Variants in CYTH1 observed in about 807,000 individuals in gnomAD.
CYTH1 encodes cytohesin 1, also known as cytohesin-1.
A neutral mutation model predicts 61.8 loss-of-function variants in CYTH1; 18 were observed. The observed-to-expected ratio is 0.29, with a 90% confidence interval of 0.20 to 0.43. The LOEUF (loss-of-function observed/expected upper bound fraction) is 0.43. CYTH1 is among the 20% of genes least tolerant of loss of function. The pLI is 1.00. For missense variants in CYTH1, 336 were observed against 510.5 expected (o/e 0.66, Z 3.29); for synonymous variants, 174 against 184.3 (o/e 0.94, Z 0.45).
chr17:78,698,173 GCACACGCGCACACACGCACGCACGCA>G (rs2092964299), intron 9 of CYTH1, 70 bp downstream of exon 9: 5 of 1,007,546 alleles, frequency 5.0e-6, no homozygotes, highest in Non-Finnish European at 6.2e-6. Flanking sequence ...GCACAAACAC[GCACACGCGCACACACGCACGCACGCA>G]CACACGCACA....
chr17:78,709,816 G>T, intron 1 of CYTH1, 84 bp from the exon 2 acceptor site: 1 of 1,238,954 alleles, frequency 8.1e-7, no homozygotes, highest in Non-Finnish European at 1.2e-6. Context: ...AAAGGAGAAA[G>T]ATATCAAGAA....
At chr17:78,711,581 C>G (rs552552919) in intron 1 of CYTH1, among the ~76,000 whole-genome samples, 93 of 152,156 alleles carry the variant, frequency 6.1e-4, no homozygotes, top group African/African-American at 2.1e-3. Flanking sequence ...AAAACTTAAT[C>G]TACTACATTC....
chr17:78,677,877 C>A (rs1333992071), intron 13 of CYTH1: 2 of 152,240 alleles, frequency 1.3e-5, no homozygotes, highest in African/African-American at 4.8e-5. Flanking sequence ...ACGGTGGTTA[C>A]CAGTGCAGCT....
At position 78,760,428 on chromosome 17, in the gene CYTH1, CAT is replaced by C. The variant is rs1274443920; in HGVS notation, c.22+21772_22+21773del. ...ATATGTGTATATATATATATATACA[CAT>C]ACATATATATATGTATATATATATA... On this transcript the variant is annotated intron_variant, in intron 1 of 13. Coordinates refer to ENST00000446868, the MANE Select transcript of CYTH1 (RefSeq NM_004762.6). Among the ~76,000 whole-genome samples, 44 of 53,180 alleles carry C rather than the reference CAT, an allele frequency of 8.3e-4. 3 individuals carry two copies. In the South Asian group the frequency reaches 0.012, roughly 15 times the overall value. 34.9% of individuals were successfully genotyped at this position (53,180 alleles called of 152,430 possible). A position where few individuals can be genotyped will look rare whatever the true frequency, so the allele number is the denominator to read the frequency against.
intron 3 of CYTH1, 92 bp downstream of exon 3, chr17:78,708,105 T>C: frequency 1.5e-6 from 2 of 1,308,022 alleles, no homozygotes; most frequent in Non-Finnish European, 2.2e-6. Context: ...AAGCTGACTT[T>C]TTCCTTCAAT....
At chr17:78,707,019 T>C (rs1375914979) in intron 3 of CYTH1, among the ~76,000 whole-genome samples, 1 of 152,262 alleles carries the variant, frequency 6.6e-6, no homozygotes. Context: ...TTTTATCTTT[T>C]ACAAAAGCGG....
chr17:78,687,565 G>C (rs1443806805), intron 11 of CYTH1, among the ~76,000 whole-genome samples: 1 of 152,134 alleles, frequency 6.6e-6, no homozygotes, highest in East Asian at 1.9e-4. Context: ...TTTGTGGTTG[G>C]GAAGTATCGC....
Position 78,680,170 on chromosome 17 carries a change from C to T in CYTH1, c.1118+20G>A. On this transcript the variant is annotated intron_variant, in intron 13 of 13. Coordinates refer to ENST00000446868, the MANE Select transcript of CYTH1 (RefSeq NM_004762.6). ...AGGGCTGCACCAGGCGCGCACTGCC[C>T]TTTCTCAGCAGTCACTTACTTAATG... The T allele has an allele frequency of 6.2e-7, 1 of 1,613,856 alleles. No individual in the cohort carries two copies. Among genetic ancestry groups the T allele is most frequent in the Non-Finnish European group, 8.5e-7 (1 of 1,179,832 alleles).
At chr17:78,762,631 A>C (rs1338185066) in intron 1 of CYTH1, among the ~76,000 whole-genome samples, 1 of 152,218 alleles carries the variant, frequency 6.6e-6, no homozygotes, top group Non-Finnish European at 1.5e-5. Context: ...TCTCCTAATC[A>C]GCCAACTTTA....
chr17:78,707,335 TG>T (rs1423391219), intron 3 of CYTH1, among the ~76,000 whole-genome samples: 1 of 152,112 alleles, frequency 6.6e-6, no homozygotes, highest in Non-Finnish European at 1.5e-5. Context: ...GAAAACGGTC[TG>T]GGAACCCCAT....
chr17:78,696,496 T>C lies in CYTH1; in HGVS notation c.812-487A>G, dbSNP rs762268061. On this transcript the variant is annotated intron_variant, in intron 9 of 13. Coordinates refer to ENST00000446868, the MANE Select transcript of CYTH1 (RefSeq NM_004762.6). ...AAGAATACACATTCTTATGGCTATA[T>C]GCATACACAGACATATACACACAGC... Among the ~76,000 whole-genome samples, 3 of 152,242 alleles carry C rather than the reference T, an allele frequency of 2.0e-5. No homozygotes were observed. In the East Asian group the frequency reaches 5.8e-4, roughly 29 times the overall value.
At chr17:78,728,692 TAC>T (rs2093278669) in intron 1 of CYTH1, among the ~76,000 whole-genome samples, 1 of 152,184 alleles carries the variant, frequency 6.6e-6, no homozygotes, top group African/African-American at 2.4e-5. Context: ...AGGGTGTAGC[TAC>T]CTGAGATTAA....
intron 10 of CYTH1, among the ~76,000 whole-genome samples, chr17:78,693,144 T>C (rs1485529423): frequency 6.6e-6 from 1 of 152,102 alleles, no homozygotes; most frequent in Non-Finnish European, 1.5e-5. Flanking sequence ...AATTCCTCTA[T>C]CAAGGAAGAA....
intron 1 of CYTH1, among the ~76,000 whole-genome samples, chr17:78,734,864 G>A (rs138066568): frequency 1.0e-3 from 159 of 152,258 alleles, no homozygotes; most frequent in African/African-American, 3.5e-3. Flanking sequence ...TCTTTAGGGC[G>A]TAAGTCTAGT....
chr17:78,714,600 G>C (rs770762788), intron 1 of CYTH1, among the ~76,000 whole-genome samples: 1 of 152,136 alleles, frequency 6.6e-6, no homozygotes, highest in Non-Finnish European at 1.5e-5. Flanking sequence ...GCAGACAAGT[G>C]TGGAGCTGGT....
At chr17:78,769,560 T>C (rs1188866102) in intron 1 of CYTH1, among the ~76,000 whole-genome samples, 2 of 152,150 alleles carry the variant, frequency 1.3e-5, no homozygotes, top group African/African-American at 4.8e-5. Flanking sequence ...ACATTTTTCA[T>C]GCACACACCT....
chr17:78,681,173 G>T, intron 11 of CYTH1, 131 bp from the exon 12 acceptor site: 1 of 839,306 alleles, frequency 1.2e-6, no homozygotes, highest in Non-Finnish European at 1.9e-6. Flanking sequence ...TCAGCCTGAG[G>T]GAACTCCTTA....
intron 1 of CYTH1, among the ~76,000 whole-genome samples, chr17:78,734,224 A>G (rs1317799173): frequency 6.6e-6 from 1 of 151,426 alleles, no homozygotes; most frequent in Non-Finnish European, 1.5e-5. Context: ...CCTCGGCAAC[A>G]GAGCGAGACT....
intron 1 of CYTH1, among the ~76,000 whole-genome samples, chr17:78,757,071 C>G (rs2093404690): frequency 6.7e-6 from 1 of 150,046 alleles, no homozygotes; most frequent in South Asian, 2.1e-4. Context: ...CCTCAGCCTC[C>G]TGAGTAGATG....
Sources: allele counts gnomAD v4.1 joint callset (sites outside exome capture counted in the v4.1 genomes callset), GRCh38; gene constraint gnomAD v4.1.1; transcripts MANE v1.5; gene names NCBI Gene and HGNC (gene_info 2026-07-23, HGNC 2026-07-21).